The following CAMKMT variants were observed in gnomAD, a reference collection of about 807,000 sequenced individuals.
The protein encoded by CAMKMT is calmodulin-lysine N-methyltransferase.
CAMKMT carries 53 observed loss-of-function variants against 48.0 expected under a neutral mutation model. The ratio of observed to expected loss-of-function variants is 1.10; its 90% CI spans 0.89 to 1.39. CAMKMT has a LOEUF of 1.39. Ranked by LOEUF, CAMKMT falls within the 40% of genes most tolerant of loss-of-function variation. CAMKMT has a pLI of 0.00. For missense variants in CAMKMT, 428 were observed against 402.7 expected (o/e 1.06, Z -0.54); for synonymous variants, 165 against 152.3 (o/e 1.08, Z -0.61).
chr2:44,566,748 T>A (rs1338104403), intron 3 of CAMKMT, among the ~76,000 whole-genome samples: 2 of 152,102 alleles, frequency 1.3e-5, no homozygotes, highest in African/African-American at 4.8e-5. Context: ...CATTTATGAG[T>A]GGATGCGTTT....
chr2:44,586,284 G>A lies in CAMKMT; in HGVS notation c.377-117999G>A, dbSNP rs540537578. 7.9e-5 allele frequency among the ~76,000 whole-genome samples: 12 copies of A among 152,094 alleles called. No individual in the cohort carries two copies. The South Asian group carries it at 2.1e-3, about 26-fold the overall frequency. On this transcript the variant is annotated intron_variant, in intron 3 of 10. Coordinates refer to ENST00000378494, the MANE Select transcript of CAMKMT (RefSeq NM_024766.5). The stretch of plus-strand genomic sequence containing the variant: ...ATAATTGATTTGCTATACATTGCAC[G>A]TATCTCAAGTGTACAATTTGATAAG...
chr2:44,520,465 T>C (rs1469031780), intron 3 of CAMKMT, among the ~76,000 whole-genome samples: 1 of 152,094 alleles, frequency 6.6e-6, no homozygotes, highest in Non-Finnish European at 1.5e-5. Context: ...ATCAACCCTC[T>C]ATCATTAAGT....
intron 3 of CAMKMT, among the ~76,000 whole-genome samples, chr2:44,537,263 A>G (rs147738176): frequency 0.02 from 3,052 of 152,358 alleles, 60 homozygotes; most frequent in South Asian, 0.08. Context: ...CAAACTATTT[A>G]TCTGACAAGG....
intron 3 of CAMKMT, among the ~76,000 whole-genome samples, chr2:44,447,459 C>A (rs2104581013): frequency 6.6e-6 from 1 of 152,286 alleles, no homozygotes; most frequent in Middle Eastern, 3.4e-3. Context: ...ATGTATCAGT[C>A]ATAGTGGGAT....
chr2:44,406,846 G>T (rs940488162), intron 3 of CAMKMT, among the ~76,000 whole-genome samples: 2 of 152,124 alleles, frequency 1.3e-5, no homozygotes, highest in African/African-American at 2.4e-5. Context: ...CAAGCAATCC[G>T]CCCACCACAC....
chr2:44,471,330 A>C (rs933433265), intron 3 of CAMKMT, among the ~76,000 whole-genome samples: 1 of 152,096 alleles, frequency 6.6e-6, no homozygotes, highest in Non-Finnish European at 1.5e-5. Context: ...TAATGCTTTA[A>C]AAACATTTTT....
intron 3 of CAMKMT, among the ~76,000 whole-genome samples, chr2:44,576,620 G>A (rs1669235214): frequency 6.6e-6 from 1 of 152,144 alleles, no homozygotes; most frequent in African/African-American, 2.4e-5. Flanking sequence ...GTGATTTTGT[G>A]ACTTACACTG....
At chr2:44,552,441 G>A (rs1466505443) in intron 3 of CAMKMT, among the ~76,000 whole-genome samples, 1 of 152,030 alleles carries the variant, frequency 6.6e-6, no homozygotes, top group Non-Finnish European at 1.5e-5. Flanking sequence ...TTCTAAAATG[G>A]AAGATTTTAC....
Position 44,725,143 on chromosome 2 carries a change from C to CGTGTGTGTGTGTGTGTGTGT in CAMKMT, c.623+9809_623+9828dup, listed in dbSNP as rs4039394. Among the ~76,000 whole-genome samples the CGTGTGTGTGTGTGTGTGTGT allele has an allele frequency of 2.8e-3, 396 of 140,606 alleles. 1 individual carries two copies. The highest frequency in any genetic ancestry group is 5.0e-3 in the Non-Finnish European group (327 of 64,798). 92.2% of individuals were successfully genotyped at this position (140,606 alleles called of 152,430 possible). A position where few individuals can be genotyped will look rare whatever the true frequency, so the allele number is the denominator to read the frequency against. On this transcript the variant is annotated intron_variant, in intron 7 of 10. Transcript: ENST00000378494. ...TTACAGCATTGTCTTGCTTTCTGGA[C>CGTGTGTGTGTGTGTGTGTGT]GTGTGTGTGTGTGTGTGTGTGTGTG...
intron 2 of CAMKMT, 90 bp from the exon 3 acceptor site, chr2:44,390,151 C>T: frequency 1.1e-6 from 1 of 885,124 alleles, no homozygotes; most frequent in East Asian, 2.5e-5. Context: ...TTGGGTATAC[C>T]ATAATATACA....
intron 3 of CAMKMT, among the ~76,000 whole-genome samples, chr2:44,665,900 T>A (rs1333712416): frequency 2.0e-5 from 3 of 152,188 alleles, no homozygotes; most frequent in Admixed American, 6.5e-5. Context: ...CCATAATACC[T>A]GCTGCAGAAG....
At position 44,716,075 on chromosome 2, in the gene CAMKMT, C is replaced by T. The variant is rs993195389; in HGVS notation, c.623+722C>T. Among the ~76,000 whole-genome samples the T allele has an allele frequency of 9.2e-5, 14 of 152,142 alleles. 1 individual carries two copies. Among genetic ancestry groups the T allele is most frequent in the Admixed American group, 6.5e-4 (10 of 15,274 alleles). On this transcript the variant is annotated intron_variant, in intron 7 of 10. Transcript: ENST00000378494. ...GATCTAGAGAAGTGAGTAATCATTTCATAGTTTTCACATGAAACAGCTGTA... is the reference window on the plus strand; with the variant it reads ...GATCTAGAGAAGTGAGTAATCATTTTATAGTTTTCACATGAAACAGCTGTA...
intron 3 of CAMKMT, among the ~76,000 whole-genome samples, chr2:44,573,392 G>GT (rs199641211): frequency 0.029 from 4,321 of 149,672 alleles, 195 homozygotes; most frequent in African/African-American, 0.099. Flanking sequence ...TTTTCACTCT[G>GT]TTTTTTTTTA....
intron 3 of CAMKMT, among the ~76,000 whole-genome samples, chr2:44,444,894 A>G (rs1666886471): frequency 6.6e-6 from 1 of 152,182 alleles, no homozygotes; most frequent in African/African-American, 2.4e-5. Flanking sequence ...TCACCTGGGC[A>G]TTCGGCTTAT....
At chr2:44,471,043 G>A (rs1158306234) in intron 3 of CAMKMT, among the ~76,000 whole-genome samples, 1 of 145,532 alleles carries the variant, frequency 6.9e-6, no homozygotes, top group Admixed American at 6.9e-5. Context: ...CACCCAGGCT[G>A]GAGTGCAGTG....
At chr2:44,689,147 G>A (rs372788190) in intron 3 of CAMKMT, among the ~76,000 whole-genome samples, 5 of 152,304 alleles carry the variant, frequency 3.3e-5, no homozygotes, top group Admixed American at 6.5e-5. Context: ...TGTTCGGGAT[G>A]TGGCTGAACA....
chr2:44,651,860 T>A (rs1373458495), intron 3 of CAMKMT, among the ~76,000 whole-genome samples: 3 of 152,244 alleles, frequency 2.0e-5, no homozygotes, highest in Non-Finnish European at 4.4e-5. Flanking sequence ...AAGAATTTAA[T>A]GAGCTTTCTG....
At chr2:44,521,599 G>A (rs971709737) in intron 3 of CAMKMT, among the ~76,000 whole-genome samples, 2 of 152,164 alleles carry the variant, frequency 1.3e-5, no homozygotes, top group African/African-American at 4.8e-5. Context: ...TTTTATAGTT[G>A]AGAACACTGA....
At chr2:44,758,656 A>AC (rs1680481616) in intron 9 of CAMKMT, among the ~76,000 whole-genome samples, 1 of 151,668 alleles carries the variant, frequency 6.6e-6, no homozygotes, top group African/African-American at 2.4e-5. Context: ...GTCCCCCTCA[A>AC]CCCCCCACTC....
Sources: allele counts gnomAD v4.1 joint callset (sites outside exome capture counted in the v4.1 genomes callset), GRCh38; gene constraint gnomAD v4.1.1; transcripts MANE v1.5; gene names NCBI Gene and HGNC (gene_info 2026-07-23, HGNC 2026-07-21).